NTMT1: variants seen among roughly 807,000 people sequenced by gnomAD.
NTMT1 encodes N-terminal Xaa-Pro-Lys N-methyltransferase 1, also known as N-terminal RCC1 methyltransferase.
In NTMT1, 8 loss-of-function variants were observed where a neutral mutation model predicts 17.5. That is an observed-to-expected ratio of 0.46 (90% confidence interval 0.27 to 0.82). NTMT1 has a LOEUF of 0.82. Among genes scored for constraint, NTMT1 ranks in the 40% least tolerant of loss-of-function variants. The pLI is 0.15. For synonymous variants in NTMT1, 128 were observed against 126.8 expected (o/e 1.01, Z -0.06); for missense variants, 221 against 303.5 (o/e 0.73, Z 2.02).
chr9:129,623,762 A>T (rs887150252), upstream of NTMT1, among the ~76,000 whole-genome samples: 1 of 15,846 alleles, frequency 6.3e-5, no homozygotes, highest in African/African-American at 2.1e-4. Flanking sequence ...TTTAAAGGGT[A>T]TGTGTCTTTT....
intron 1 of NTMT1, chr9:129,619,593 G>C: frequency 1.2e-6 from 2 of 1,614,134 alleles, no homozygotes; most frequent in African/African-American, 1.3e-5. Context: ...GTCTGCTGGA[G>C]CGAAATCTTC....
chr9:129,629,240 A>C (rs576758959), intron 1 of NTMT1, among the ~76,000 whole-genome samples: 1 of 152,248 alleles, frequency 6.6e-6, no homozygotes, highest in African/African-American at 2.4e-5. Flanking sequence ...CAGGCAGCCC[A>C]CCTAACCTGG....
chr9:129,635,354 G>T lies in NTMT1; in HGVS notation c.562G>T (p.Asp188Tyr). The T allele has an allele frequency of 6.2e-7, 1 of 1,613,832 alleles. No individual in the cohort carries two copies. Among genetic ancestry groups the T allele is most frequent in the South Asian group, 1.1e-5 (1 of 91,086 alleles). ...DVDSSVCRDL[D>Y]VVRRIICSAG... ...GGACAGCAGCGTGTGCCGGGACCTT[G>T]ACGTGGTCCGCAGGATCATCTGCAG... The change falls in exon 4 of 4, where the codon GAC becomes TAC. Residue 188 changes from aspartate (D) to tyrosine (Y), a missense_variant. Coordinates refer to ENST00000372483, the MANE Select transcript of NTMT1 (RefSeq NM_014064.4).
intron 1 of NTMT1, among the ~76,000 whole-genome samples, chr9:129,610,231 A>AAC (rs2118839637): frequency 7.1e-5 from 1 of 14,156 alleles, no homozygotes; most frequent in South Asian, 1.9e-3. Context: ...GGAAAGGGGG[A>AAC]GGGAGAGGGG....
rs1311297451 is a variant in NTMT1 at position 129,632,708 on chromosome 9, C to T, written c.5C>T (p.Thr2Met). Residue 2 changes from threonine to methionine, a missense_variant, in exon 2 of 4, where the codon ACG becomes ATG. Coordinates refer to ENST00000372483, the MANE Select transcript of NTMT1 (RefSeq NM_014064.4). ...AGAGCCGTGGTTGGTGACAGCATGA[C>T]GAGCGAGGTGATAGAAGACGAGAAG... Reference protein sequence around the residue: MTSEVIEDEKQF... With the variant: MMSEVIEDEKQF... The T allele has an allele frequency of 3.7e-6, 6 of 1,613,950 alleles. No individual in the cohort carries two copies. The highest frequency in any genetic ancestry group is 1.6e-4 in the Middle Eastern group (1 of 6,062).
At chr9:129,634,762 G>A in intron 3 of NTMT1, 1 of 224,552 alleles carries the variant, frequency 4.5e-6, no homozygotes, top group Non-Finnish European at 8.8e-6. Context: ...CCTGAGGCGG[G>A]CAGCACAGGC....
chr9:129,624,161 T>A (rs1202496123), upstream of NTMT1, among the ~76,000 whole-genome samples: 1 of 152,172 alleles, frequency 6.6e-6, no homozygotes, highest in East Asian at 1.9e-4. Context: ...GGAACTACTA[T>A]GTGCTAGGCT....
chr9:129,620,178 TG>T lies in NTMT1; in HGVS notation c.-55+11002del, dbSNP rs1830612294. ...GCGCCCAAGAAGTCGGGGTCCTCCC[TG>T]GCCACGCGCCTCCGGGGGCGCTCGC... On this transcript the variant is annotated intron_variant, in intron 1 of 3. Coordinates refer to the NTMT1 transcript ENST00000372486. This position sits in a 1 kb window ranked among gnomAD's most constrained non-coding sequence, Gnocchi z 5.8. 1 of 1,455,264 alleles carries T rather than the reference TG, an allele frequency of 6.9e-7. No homozygotes were observed. The highest frequency in any genetic ancestry group is 9.1e-7 in the Non-Finnish European group (1 of 1,100,010). The allele number at this position is 1,455,264 out of a possible 1,614,324, so 90.1% of individuals were successfully genotyped here. A position where few individuals can be genotyped will look rare whatever the true frequency, so the allele number is the denominator to read the frequency against.
At chr9:129,609,828 G>A (rs531579774) in intron 1 of NTMT1, among the ~76,000 whole-genome samples, 62 of 152,156 alleles carry the variant, frequency 4.1e-4, no homozygotes, top group African/African-American at 1.5e-3. Flanking sequence ...CAGGGCAGCA[G>A]ATGACCCCGA....
intron 2 of NTMT1, 131 bp downstream of exon 2, chr9:129,632,996 G>T (rs770075691): frequency 4.9e-6 from 5 of 1,029,842 alleles, no homozygotes; most frequent in Non-Finnish European, 7.2e-6. Flanking sequence ...CTACCCCAAA[G>T]CCTTGAGGAG....
intron 1 of NTMT1, among the ~76,000 whole-genome samples, chr9:129,631,112 C>A (rs559983808): frequency 6.6e-6 from 1 of 152,244 alleles, no homozygotes; most frequent in South Asian, 2.1e-4. Context: ...GTCTGCCCCA[C>A]CCCCTCCAGC....
intron 1 of NTMT1, among the ~76,000 whole-genome samples, chr9:129,628,284 C>T (rs1007302211): frequency 6.6e-6 from 1 of 152,178 alleles, no homozygotes; most frequent in African/African-American, 2.4e-5. Context: ...CCAGGAATCC[C>T]GTTTATTAAT....
In NTMT1 at chr9:129,620,482, C is replaced by T. The variant is rs995004659; in HGVS notation, c.-55+11304C>T. 10 of 1,387,660 alleles carry T rather than the reference C, an allele frequency of 7.2e-6. No individual in the cohort carries two copies. In the African/African-American group the frequency reaches 1.3e-4, roughly 19 times the overall value. 86.0% of individuals were successfully genotyped at this position (1,387,660 alleles called of 1,614,324 possible). A position where few individuals can be genotyped will look rare whatever the true frequency, so the allele number is the denominator to read the frequency against. On this transcript the variant is annotated intron_variant, in intron 1 of 3. Transcript: ENST00000372486. The surrounding 1 kb of genome is among the most constrained non-coding windows in gnomAD (Gnocchi z 5.8). Reference sequence around the variant, plus strand: ...GCGCGGGCGGGGTCAGCTTGGGCAGCCGCGGGTCGCTGCTGCGTCGGAAGT... The same window carrying T: ...GCGCGGGCGGGGTCAGCTTGGGCAGTCGCGGGTCGCTGCTGCGTCGGAAGT...
intron 3 of NTMT1, 69 bp downstream of exon 3, chr9:129,634,375 C>T (rs1429470133): frequency 1.8e-5 from 27 of 1,527,010 alleles, no homozygotes; most frequent in African/African-American, 1.5e-4. Context: ...CATAAGGTGT[C>T]AGGACCAGGG....
At chr9:129,611,280 G>A (rs868013539) in intron 1 of NTMT1, among the ~76,000 whole-genome samples, 1 of 152,186 alleles carries the variant, frequency 6.6e-6, no homozygotes, top group Non-Finnish European at 1.5e-5. Flanking sequence ...GCAATGGCGC[G>A]GGTCTGGGGG....
intron 1 of NTMT1, among the ~76,000 whole-genome samples, chr9:129,615,022 G>T (rs1009773415): frequency 1.3e-5 from 2 of 152,264 alleles, no homozygotes; most frequent in Non-Finnish European, 2.9e-5. Flanking sequence ...CTCCAGGAGA[G>T]AGAAAGTTTC....
Position 129,632,647 on chromosome 9 carries a change from C to T in NTMT1, c.-54-3C>T. On this transcript the variant is annotated splice_polypyrimidine_tract_variant and splice_region_variant and intron_variant, in intron 1 of 3. Transcript: ENST00000372483. Reference sequence around the variant, plus strand: ...GCTGACTCACGCCCCCTTCCTTACCCAGGAGAGTCGCGGTTGCTGATCGTG... The same window carrying T: ...GCTGACTCACGCCCCCTTCCTTACCTAGGAGAGTCGCGGTTGCTGATCGTG... The T allele has an allele frequency of 1.9e-6, 3 of 1,601,330 alleles. No homozygotes were observed. The highest frequency in any genetic ancestry group is 2.2e-5 in the South Asian group (2 of 89,636).
At chr9:129,619,590 G>A in intron 1 of NTMT1, 1 of 1,614,132 alleles carries the variant, frequency 6.2e-7, no homozygotes, top group African/African-American at 1.3e-5. Flanking sequence ...GGTGTCTGCT[G>A]GAGCGAAATC....
intron 2 of NTMT1, chr9:129,633,388 C>T: frequency 4.7e-6 from 1 of 211,280 alleles, no homozygotes; most frequent in Non-Finnish European, 9.3e-6. Flanking sequence ...TGTTCCCTCT[C>T]TGCACCCTTG....
Sources: gnomAD v4.1 joint callset for allele counts (sites outside exome capture counted in the v4.1 genomes callset) on GRCh38, gnomAD v4.1.1 for gene constraint, Gnocchi (gnomAD v3.1) non-coding constraint, MANE v1.5 for transcripts, NCBI Gene and HGNC (gene_info 2026-07-23, HGNC 2026-07-21) for gene names.